The following LRRC4C variants were observed in gnomAD, a reference collection of about 807,000 sequenced individuals.
LRRC4C encodes the protein leucine-rich repeat-containing protein 4C.
A neutral mutation model predicts 33.6 loss-of-function variants in LRRC4C; 5 were observed. The ratio of observed to expected loss-of-function variants is 0.15; its 90% CI spans 0.08 to 0.31. LRRC4C has a LOEUF of 0.31. Among genes scored for constraint, LRRC4C ranks in the 10% least tolerant of loss-of-function variants. The pLI, the probability that LRRC4C is intolerant of heterozygous loss-of-function variation, is 1.00. For missense variants in LRRC4C, 560 were observed against 796.7 expected (o/e 0.70, Z 3.58); for synonymous variants, 329 against 302.0 (o/e 1.09, Z -0.93).
chr11:40,263,944 G>A (rs1474170856), intron 4 of LRRC4C, among the ~76,000 whole-genome samples: 5 of 152,160 alleles, frequency 3.3e-5, no homozygotes, highest in African/African-American at 9.7e-5. Flanking sequence ...TTACATAGAA[G>A]TTTATCCTTC....
intron 1 of LRRC4C, among the ~76,000 whole-genome samples, chr11:41,233,746 C>A (rs1206632469): frequency 6.6e-6 from 1 of 151,876 alleles, no homozygotes; most frequent in African/African-American, 2.4e-5. Flanking sequence ...GAAAAGCTTT[C>A]TTTTATTCAT....
At chr11:40,606,623 C>T (rs1960633089) in intron 3 of LRRC4C, among the ~76,000 whole-genome samples, 1 of 151,808 alleles carries the variant, frequency 6.6e-6, no homozygotes, top group South Asian at 2.1e-4. Flanking sequence ...CATAAGGATG[C>T]TTAATGAGCT....
chr11:40,831,706 G>A (rs913635688), intron 2 of LRRC4C, among the ~76,000 whole-genome samples: 2 of 152,100 alleles, frequency 1.3e-5, no homozygotes, highest in Admixed American at 6.6e-5. Flanking sequence ...AGAAGGCAAA[G>A]GAGGAGCAAA....
intron 1 of LRRC4C, among the ~76,000 whole-genome samples, chr11:40,971,119 G>T (rs565954424): frequency 4.6e-5 from 7 of 152,338 alleles, no homozygotes; most frequent in Admixed American, 1.3e-4. Context: ...AAGAATTCAA[G>T]ATGGCTTCAG....
intron 3 of LRRC4C, among the ~76,000 whole-genome samples, chr11:40,402,772 C>A (rs746295865): frequency 3.9e-5 from 6 of 152,066 alleles, no homozygotes; most frequent in Non-Finnish European, 8.8e-5. Flanking sequence ...ACTGCATGAT[C>A]TTCACATGTT....
intron 3 of LRRC4C, among the ~76,000 whole-genome samples, chr11:40,630,779 G>A (rs963436748): frequency 2.6e-5 from 4 of 152,090 alleles, no homozygotes; most frequent in African/African-American, 9.7e-5. Context: ...GTGAATTCTG[G>A]CTATAATGAC....
chr11:41,155,203 T>C (rs1424618720), intron 1 of LRRC4C, among the ~76,000 whole-genome samples: 1 of 152,112 alleles, frequency 6.6e-6, no homozygotes, highest in Admixed American at 6.6e-5. Flanking sequence ...TTTTGCTTAA[T>C]TCCAACATCC....
intron 1 of LRRC4C, among the ~76,000 whole-genome samples, chr11:41,427,564 G>A (rs972187505): frequency 6.6e-6 from 1 of 152,138 alleles, no homozygotes; most frequent in Non-Finnish European, 1.5e-5. Flanking sequence ...TGAGTGACAG[G>A]AAAAGCAATA....
chr11:40,514,686 C>T (rs1955490586), intron 3 of LRRC4C, among the ~76,000 whole-genome samples: 1 of 152,016 alleles, frequency 6.6e-6, no homozygotes, highest in Non-Finnish European at 1.5e-5. Context: ...TTGCCATCAA[C>T]CTCCCTTATA....
intron 2 of LRRC4C, among the ~76,000 whole-genome samples, chr11:40,655,170 C>A (rs1207062865): frequency 6.6e-6 from 1 of 152,160 alleles, no homozygotes; most frequent in East Asian, 1.9e-4. Flanking sequence ...ATTCATTTAG[C>A]TGATCTGAAG....
intron 4 of LRRC4C, among the ~76,000 whole-genome samples, chr11:40,282,375 A>T (rs775547078): frequency 1.9e-4 from 29 of 151,978 alleles, no homozygotes; most frequent in Non-Finnish European, 8.8e-5. Context: ...CAACAAAAAA[A>T]CCCCAAAAAC....
chr11:40,164,835 T>C (rs991147609), intron 5 of LRRC4C, among the ~76,000 whole-genome samples: 2 of 152,198 alleles, frequency 1.3e-5, no homozygotes, highest in African/African-American at 4.8e-5. Context: ...ACACCATGTA[T>C]GCATGTATCA....
chr11:40,709,071 A>G (rs549474919), intron 2 of LRRC4C, among the ~76,000 whole-genome samples: 54 of 152,096 alleles, frequency 3.6e-4, no homozygotes, highest in African/African-American at 1.3e-3. Context: ...ATTTTACTCT[A>G]TCCCTTTATT....
At chr11:41,239,782 G>A (rs1948177884) in intron 1 of LRRC4C, among the ~76,000 whole-genome samples, 1 of 152,046 alleles carries the variant, frequency 6.6e-6, no homozygotes, top group Non-Finnish European at 1.5e-5. Flanking sequence ...TATATCCCCA[G>A]CACCCAGAAC....
chr11:41,354,095 T>C (rs574670803), intron 1 of LRRC4C, among the ~76,000 whole-genome samples: 1 of 152,300 alleles, frequency 6.6e-6, no homozygotes, highest in South Asian at 2.1e-4. Flanking sequence ...TCTCTCTCTT[T>C]GCAGACGATA....
intron 5 of LRRC4C, among the ~76,000 whole-genome samples, chr11:40,199,649 A>G (rs1862544578): frequency 6.6e-6 from 1 of 152,224 alleles, no homozygotes; most frequent in Non-Finnish European, 1.5e-5. Context: ...TATTTTATAA[A>G]GATATTAAGA....
chr11:41,084,966 C>T (rs1939856886), intron 1 of LRRC4C, among the ~76,000 whole-genome samples: 2 of 152,130 alleles, frequency 1.3e-5, no homozygotes, highest in African/African-American at 4.8e-5. Context: ...TGAAAGTATG[C>T]TTAAGTAAGC....
chr11:40,963,199 C>T (rs1851091336), intron 1 of LRRC4C, among the ~76,000 whole-genome samples: 1 of 151,694 alleles, frequency 6.6e-6, no homozygotes, highest in Admixed American at 6.6e-5. Flanking sequence ...AAATTTCCTG[C>T]TATGTTAACA....
At chr11:40,764,130 G>A (rs997438564) in intron 2 of LRRC4C, among the ~76,000 whole-genome samples, 1 of 152,138 alleles carries the variant, frequency 6.6e-6, no homozygotes, top group Non-Finnish European at 1.5e-5. Context: ...CTCAACTACA[G>A]TAGAATAAGG....
Sources: gnomAD v4.1 joint callset for allele counts (sites outside exome capture counted in the v4.1 genomes callset) on GRCh38, gnomAD v4.1.1 for gene constraint, MANE v1.5 for transcripts, NCBI Gene and HGNC (gene_info 2026-07-23, HGNC 2026-07-21) for gene names.